Variants in GARIN3 observed in about 807,000 individuals in gnomAD.
GARIN3 encodes Golgi-associated RAB2 interactor protein 3.
At chr5:157,162,344 T>G in the GARIN3 span, 1 of 1,460,998 alleles carries the variant, frequency 6.8e-7, no homozygotes, top group East Asian at 2.3e-5. Context: ...TCTTTTGGAG[T>G]TGTACGATTT....
chr5:157,165,464 C>A, the GARIN3 span: 4 of 1,502,556 alleles, frequency 2.7e-6, no homozygotes, highest in East Asian at 2.3e-5. Flanking sequence ...ATACTTTTTC[C>A]AGGTGGGCCT....
At chr5:157,163,216 C>CT in the GARIN3 span, 3 of 1,614,024 alleles carry the variant, frequency 1.9e-6, no homozygotes, top group Non-Finnish European at 2.5e-6. Flanking sequence ...CAAGGAGGTG[C>CT]TTGCAGCACC....
At chr5:157,165,015 G>C in the GARIN3 span, among the ~76,000 whole-genome samples, 1 of 152,006 alleles carries the variant, frequency 6.6e-6, no homozygotes, top group Non-Finnish European at 1.5e-5. Context: ...GCGAAACTCT[G>C]TCTCAAAAAA....
chr5:157,165,937 TGGTGCAGAC>T, the GARIN3 span: 1 of 1,614,074 alleles, frequency 6.2e-7, no homozygotes, highest in Non-Finnish European at 8.5e-7. Context: ...AGGATGGGGC[TGGTGCAGAC>T]GATGCCCACT....
At chr5:157,163,486 C>T in the GARIN3 span, 1 of 1,614,120 alleles carries the variant, frequency 6.2e-7, no homozygotes, top group South Asian at 1.1e-5. Context: ...TGCTGCTCCT[C>T]CTTCAGCAGC....
chr5:157,165,415 T>C, the GARIN3 span: 1 of 1,266,602 alleles, frequency 7.9e-7, no homozygotes, highest in East Asian at 2.3e-5. Flanking sequence ...GTAAGTCCCC[T>C]AGTAGTGGCT....
the GARIN3 span, among the ~76,000 whole-genome samples, chr5:157,164,062 A>G: frequency 6.6e-6 from 1 of 152,006 alleles, no homozygotes; most frequent in Non-Finnish European, 1.5e-5. Flanking sequence ...ACACTGTTTA[A>G]AAAAAAGAAA....
the GARIN3 span, among the ~76,000 whole-genome samples, chr5:157,163,842 G>A: frequency 6.6e-6 from 1 of 152,188 alleles, no homozygotes; most frequent in South Asian, 2.1e-4. Context: ...GATCGCTTGA[G>A]GCCAGGAGTT....
the GARIN3 span, chr5:157,163,694 A>G: frequency 6.3e-7 from 1 of 1,586,192 alleles, no homozygotes; most frequent in Non-Finnish European, 8.6e-7. Flanking sequence ...TGAGATTGAG[A>G]TGACTGAAAG....
At chr5:157,165,001 A>G in the GARIN3 span, among the ~76,000 whole-genome samples, 32 of 152,248 alleles carry the variant, frequency 2.1e-4, no homozygotes, top group African/African-American at 7.5e-4. Context: ...CCTGGGAGAT[A>G]AGAGCGAAAC....
At chr5:157,165,301 G>A in the GARIN3 span, among the ~76,000 whole-genome samples, 64 of 152,326 alleles carry the variant, frequency 4.2e-4, no homozygotes, top group African/African-American at 1.2e-3. Flanking sequence ...TCAGGATGGT[G>A]TAGAAAGGAT....
chr5:157,161,852 C>G, the GARIN3 span: 1 of 152,684 alleles, frequency 6.5e-6, no homozygotes, highest in South Asian at 2.1e-4. Context: ...TGACTATGTT[C>G]CAATAAAACT....
chr5:157,165,543 C>T, the GARIN3 span: 64 of 1,585,498 alleles, frequency 4.0e-5, no homozygotes, highest in East Asian at 9.0e-4. Context: ...CCCATGTTCT[C>T]GAGCCTTTGA....
chr5:157,162,563 G>T, the GARIN3 span: 3 of 1,614,094 alleles, frequency 1.9e-6, no homozygotes, highest in South Asian at 1.1e-5. Context: ...TCTATGTTTT[G>T]CTTCTCCACC....
At chr5:157,162,085 A>C in the GARIN3 span, 1 of 262,196 alleles carries the variant, frequency 3.8e-6, no homozygotes, top group Non-Finnish European at 7.2e-6. Flanking sequence ...AAAGAGGAGA[A>C]TGGGCGAGGG....
chr5:157,165,984 T>C, the GARIN3 span: 1 of 1,614,204 alleles, frequency 6.2e-7, no homozygotes, highest in Non-Finnish European at 8.5e-7. Context: ...GTTGTGTACA[T>C]CAATCACCTC....
chr5:157,163,119 GGTCGTAATACT>G, the GARIN3 span: 1 of 1,614,230 alleles, frequency 6.2e-7, no homozygotes, highest in Non-Finnish European at 8.5e-7. Context: ...CACACTTGCT[GGTCGTAATACT>G]GCCTGCAAAC....
the GARIN3 span, chr5:157,163,461 G>A: frequency 6.2e-7 from 1 of 1,614,206 alleles, no homozygotes; most frequent in Non-Finnish European, 8.5e-7. Context: ...CCACTGCCAT[G>A]CCACCTGCTG....
At chr5:157,166,148 T>G in the GARIN3 span, 1 of 1,611,280 alleles carries the variant, frequency 6.2e-7, no homozygotes, top group Non-Finnish European at 8.5e-7. Context: ...TGTAATAAGG[T>G]AAACAAGATT....
Sources: allele counts gnomAD v4.1 joint callset (sites outside exome capture counted in the v4.1 genomes callset), GRCh38; gene constraint gnomAD v4.1.1; transcripts MANE v1.5; gene names NCBI Gene and HGNC (gene_info 2026-07-23, HGNC 2026-07-21).